The following CNTN1 variants were observed in gnomAD, a reference collection of about 807,000 sequenced individuals.
CNTN1 encodes the protein contactin 1, also known as contactin-1.
In CNTN1, 38 loss-of-function variants were observed where a neutral mutation model predicts 126.4. The observed-to-expected ratio is 0.30, with a 90% CI of 0.23 to 0.39. The LOEUF (loss-of-function observed/expected upper bound fraction) is 0.39. Among genes scored for constraint, CNTN1 ranks in the 10% least tolerant of loss-of-function variants. The pLI, the probability that CNTN1 is intolerant of heterozygous loss-of-function variation, is 1.00. For synonymous variants in CNTN1, 413 were observed against 422.6 expected (o/e 0.98, Z 0.28); for missense variants, 1,009 against 1,248.4 (o/e 0.81, Z 2.89).
rs961924567 is a variant in CNTN1, at chr12:41,024,328, C to A, written c.2524-822C>A. Among the ~76,000 whole-genome samples, 6 of 151,852 alleles carry A rather than the reference C, an allele frequency of 4.0e-5. No homozygotes were observed. The East Asian group carries it at 1.2e-3, about 29-fold the overall frequency. The stretch of plus-strand genomic sequence containing the variant: ...CAGGATAGTTACAAATAATCCTTTT[C>A]TTTTTATTCTTATATTACATATAAC... On this transcript the variant is annotated intron_variant, in intron 20 of 23. Coordinates refer to ENST00000551295, the MANE Select transcript of CNTN1 (RefSeq NM_001843.4).
At chr12:40,794,275 G>T (rs527470538) in intron 1 of CNTN1, among the ~76,000 whole-genome samples, 18 of 152,086 alleles carry the variant, frequency 1.2e-4, no homozygotes, top group African/African-American at 4.3e-4. Flanking sequence ...AAATACAAAG[G>T]CCAGTTTGTT....
At chr12:40,720,954 T>A (rs190459088) in intron 1 of CNTN1, among the ~76,000 whole-genome samples, 2,661 of 150,976 alleles carry the variant, frequency 0.018, 47 homozygotes, top group Middle Eastern at 0.038. Flanking sequence ...AAGAGAAATA[T>A]ATATATATAT....
chr12:40,730,614 C>T (rs547295952), intron 1 of CNTN1, among the ~76,000 whole-genome samples: 1 of 152,284 alleles, frequency 6.6e-6, no homozygotes, highest in East Asian at 1.9e-4. Context: ...AATGACTACA[C>T]ATCAGATCCT....
chr12:41,065,951 C>A (rs1344063785), intron 23 of CNTN1, among the ~76,000 whole-genome samples: 3 of 152,222 alleles, frequency 2.0e-5, no homozygotes, highest in African/African-American at 4.8e-5. Context: ...GCTGTCCCAG[C>A]AGGAGTTTTA....
At chr12:41,008,002 T>C (rs1161291578) in intron 17 of CNTN1, among the ~76,000 whole-genome samples, 1 of 152,212 alleles carries the variant, frequency 6.6e-6, no homozygotes, top group African/African-American at 2.4e-5. Flanking sequence ...AAGTGATTTC[T>C]TAACTTCTAT....
intron 9 of CNTN1, among the ~76,000 whole-genome samples, chr12:40,935,306 C>T (rs990589815): frequency 1.3e-5 from 2 of 151,934 alleles, no homozygotes; most frequent in Admixed American, 1.3e-4. Context: ...GCTTATAGAC[C>T]TGTTTTTATT....
chr12:40,862,138 A>G (rs186815468), intron 1 of CNTN1, among the ~76,000 whole-genome samples: 4 of 151,758 alleles, frequency 2.6e-5, no homozygotes, highest in Non-Finnish European at 5.9e-5. Flanking sequence ...CAGGAGTTTG[A>G]GGTTGCAGTG....
chr12:41,006,300 T>C (rs927398138), intron 17 of CNTN1, among the ~76,000 whole-genome samples: 2 of 152,198 alleles, frequency 1.3e-5, no homozygotes, highest in Non-Finnish European at 2.9e-5. Flanking sequence ...AAGGGAGGGC[T>C]AAGGTGTAGC....
chr12:40,882,237 G>T (rs1280272853), intron 1 of CNTN1, among the ~76,000 whole-genome samples: 1 of 151,634 alleles, frequency 6.6e-6, no homozygotes, highest in Non-Finnish European at 1.5e-5. Flanking sequence ...GATATAGAGA[G>T]AACAAGTTGA....
At chr12:40,964,433 A>G (rs1376724935) in intron 15 of CNTN1, among the ~76,000 whole-genome samples, 1 of 152,058 alleles carries the variant, frequency 6.6e-6, no homozygotes, top group East Asian at 1.9e-4. Context: ...TTTCTCCTCA[A>G]AAGAAGTTTG....
chr12:41,014,105 T>C, intron 17 of CNTN1, 123 bp from the exon 18 acceptor site: 1 of 807,990 alleles, frequency 1.2e-6, no homozygotes, highest in Non-Finnish European at 2.1e-6. Flanking sequence ...TTGTCCAGTA[T>C]GTTTTTCCTA....
chr12:40,783,574 A>G (rs1287733103), intron 1 of CNTN1, among the ~76,000 whole-genome samples: 2 of 152,104 alleles, frequency 1.3e-5, no homozygotes, highest in African/African-American at 4.8e-5. Context: ...GTTATTGACA[A>G]TGTGACTTCT....
intron 1 of CNTN1, among the ~76,000 whole-genome samples, chr12:40,806,376 T>C (rs182526162): frequency 1.1e-3 from 165 of 152,262 alleles, no homozygotes; most frequent in Non-Finnish European, 1.9e-3. Flanking sequence ...TATTTGTTTG[T>C]TTGTTTTTAC....
intron 16 of CNTN1, among the ~76,000 whole-genome samples, chr12:40,991,982 A>T (rs1017371801): frequency 6.6e-6 from 1 of 152,224 alleles, no homozygotes; most frequent in African/African-American, 2.4e-5. Flanking sequence ...ATTAAAACAA[A>T]CAGTTTCCGA....
chr12:40,781,838 T>C (rs1276571959), intron 1 of CNTN1, among the ~76,000 whole-genome samples: 1 of 152,058 alleles, frequency 6.6e-6, no homozygotes, highest in Non-Finnish European at 1.5e-5. Context: ...CATGTTTATA[T>C]TTTGGTTTCT....
intron 1 of CNTN1, among the ~76,000 whole-genome samples, chr12:40,819,742 G>A (rs1329671153): frequency 6.6e-6 from 1 of 152,348 alleles, no homozygotes; most frequent in East Asian, 1.9e-4. Context: ...GATTCCAGCT[G>A]AGAGGCTGTA....
At chr12:41,044,569 TC>T (rs148805801) in intron 23 of CNTN1, among the ~76,000 whole-genome samples, 3,291 of 152,142 alleles carry the variant, frequency 0.022, 117 homozygotes, top group African/African-American at 0.075. Context: ...ATGAGGCAAA[TC>T]CTTCACCTCA....
In CNTN1 at chr12:40,997,705, C is replaced by A. The variant is rs564512033; in HGVS notation, c.2113+4436C>A. 2.0e-5 allele frequency among the ~76,000 whole-genome samples: 3 copies of A among 152,204 alleles called. No individual in the cohort carries two copies. In the South Asian group the frequency reaches 6.2e-4, roughly 32 times the overall value. On this transcript the variant is annotated intron_variant, in intron 17 of 23. Transcript: ENST00000551295. The stretch of plus-strand genomic sequence containing the variant: ...ATTAGTGTATTCGGGACACATTTGC[C>A]TTTCCTATTAAGAGAGGGGATAATG...
chr12:40,701,240 C>G (rs901289794), intron 1 of CNTN1, among the ~76,000 whole-genome samples: 142 of 152,266 alleles, frequency 9.3e-4, no homozygotes, highest in African/African-American at 3.3e-3. Flanking sequence ...TGATATCTTT[C>G]ACTACAGTAA....
Sources: gnomAD v4.1 joint callset for allele counts (sites outside exome capture counted in the v4.1 genomes callset) on GRCh38, gnomAD v4.1.1 for gene constraint, MANE v1.5 for transcripts, NCBI Gene and HGNC (gene_info 2026-07-23, HGNC 2026-07-21) for gene names.